SERPINB12: variants seen among roughly 807,000 people sequenced by gnomAD.
SERPINB12 encodes serpin family B member 12.
Under a neutral mutation model 41.1 loss-of-function variants are expected in SERPINB12, and 57 were observed. That is an observed-to-expected ratio of 1.39 (90% CI 1.12 to 1.73). The LOEUF (loss-of-function observed/expected upper bound fraction) is 1.73, where lower values mean the gene tolerates loss of function less well. SERPINB12 is among the 40% of genes most tolerant of loss of function. The pLI is 0.00. For synonymous variants in SERPINB12, 180 were observed against 181.3 expected (o/e 0.99, Z 0.06); for missense variants, 536 against 501.9 (o/e 1.07, Z -0.65).
Position 63,558,478 on chromosome 18 carries a change from G to A in SERPINB12, c.295G>A (p.Asp99Asn), listed in dbSNP as rs760107446. The A allele has an allele frequency of 1.9e-6, 3 of 1,610,316 alleles. No individual in the cohort carries two copies. In the Admixed American group the frequency reaches 5.1e-5, roughly 27 times the overall value. ...GCAGAAAAAAACGACAGAGCCTCTG[G>A]ATCAGCAGGTGAACCGCCACCGTAG... is the stretch of plus-strand genomic sequence containing the variant. Reference protein sequence around the residue: ...EGQKKTTEPLDQQAGSLNNES... With the variant: ...EGQKKTTEPLNQQAGSLNNES... Residue 99 changes from aspartate to asparagine, a missense_variant, in exon 3 of 8, where the codon GAT (aspartate) becomes AAT (asparagine). Transcript: ENST00000382768.
chr18:63,557,408 A>G (rs963152952), intron 2 of SERPINB12, among the ~76,000 whole-genome samples: 12 of 152,208 alleles, frequency 7.9e-5, no homozygotes, highest in African/African-American at 2.7e-4. Context: ...GAAGGTAATA[A>G]GAACAAATCC....
intron 1 of SERPINB12, among the ~76,000 whole-genome samples, chr18:63,547,140 A>C (rs1232284777): frequency 6.6e-6 from 1 of 152,234 alleles, no homozygotes; most frequent in Non-Finnish European, 1.5e-5. Flanking sequence ...GGCAGTCATC[A>C]CTGGGAGATA....
At chr18:63,565,362 C>A in intron 6 of SERPINB12, 83 bp from the exon 7 acceptor site, 1 of 1,300,524 alleles carries the variant, frequency 7.7e-7, no homozygotes, top group South Asian at 1.4e-5. Context: ...CTTTAGGAAC[C>A]CCTGTCCTCC....
At chr18:63,554,762 C>A (rs1318507570) in intron 1 of SERPINB12, among the ~76,000 whole-genome samples, 1 of 152,112 alleles carries the variant, frequency 6.6e-6, no homozygotes, top group Admixed American at 6.5e-5. Flanking sequence ...GACATTGAAC[C>A]TGGTGATATG....
the SERPINB12 span, among the ~76,000 whole-genome samples, chr18:63,532,485 G>A: frequency 6.6e-6 from 1 of 152,208 alleles, no homozygotes; most frequent in Non-Finnish European, 1.5e-5. Flanking sequence ...GGTACAGCAA[G>A]AGAATGCTGA....
chr18:63,533,718 C>G, the SERPINB12 span, among the ~76,000 whole-genome samples: 1 of 152,164 alleles, frequency 6.6e-6, no homozygotes, highest in Admixed American at 6.6e-5. Flanking sequence ...TTTCCCACCT[C>G]CCTTTATGTG....
At chr18:63,537,603 T>G (rs906505544), upstream of SERPINB12, among the ~76,000 whole-genome samples, 4 of 152,282 alleles carry the variant, frequency 2.6e-5, no homozygotes, top group African/African-American at 9.6e-5. Flanking sequence ...CCCAATAAAT[T>G]GTTATTGGAA....
chr18:63,524,859 C>G, the SERPINB12 span, among the ~76,000 whole-genome samples: 2 of 150,510 alleles, frequency 1.3e-5, no homozygotes, highest in African/African-American at 2.4e-5. Flanking sequence ...AAGTGAGTCT[C>G]TTGTCTCAGC....
At chr18:63,551,347 T>C (rs1477507606) in intron 1 of SERPINB12, among the ~76,000 whole-genome samples, 1 of 152,032 alleles carries the variant, frequency 6.6e-6, no homozygotes, top group African/African-American at 2.4e-5. Context: ...TTTTTTGAGA[T>C]GGAATTTCGC....
chr18:63,554,210 G>A (rs1013801065), intron 1 of SERPINB12, among the ~76,000 whole-genome samples: 3 of 152,240 alleles, frequency 2.0e-5, no homozygotes, highest in South Asian at 4.2e-4. Context: ...ACTTAGAAAC[G>A]ATAGATACAG....
intron 1 of SERPINB12, among the ~76,000 whole-genome samples, 174 bp from the exon 2 acceptor site, chr18:63,555,968 A>G (rs762822635): frequency 4.6e-5 from 7 of 152,208 alleles, no homozygotes; most frequent in Non-Finnish European, 1.0e-4. Context: ...TCTGTCTATC[A>G]ATATCAACAC....
chr18:63,555,324 C>A (rs1910638754), intron 1 of SERPINB12, among the ~76,000 whole-genome samples: 5 of 152,084 alleles, frequency 3.3e-5, no homozygotes, highest in Admixed American at 3.3e-4. Context: ...AGTCACAGAG[C>A]AATGAGGGGA....
At chr18:63,547,689 G>A (rs1289572549) in intron 1 of SERPINB12, among the ~76,000 whole-genome samples, 1 of 151,902 alleles carries the variant, frequency 6.6e-6, no homozygotes, top group Non-Finnish European at 1.5e-5. Flanking sequence ...TTTACTATAA[G>A]GGAAAATTGT....
At position 63,548,129 on chromosome 18, in the gene SERPINB12, T is replaced by G. The variant is rs113544958; in HGVS notation, c.-19+5637T>G. ...AATGTTGTATGGTTATTGTATACAG[T>G]GGTGACTAATTAACTCTTTAGAGGG... On this transcript the variant is annotated intron_variant, in intron 1 of 7. Transcript: ENST00000382768. 8.1e-3 allele frequency among the ~76,000 whole-genome samples: 1,237 copies of G among 152,218 alleles called. 19 individuals carry two copies. The highest frequency in any genetic ancestry group is 0.028 in the African/African-American group (1,177 of 41,550).
the SERPINB12 span, among the ~76,000 whole-genome samples, chr18:63,524,790 C>A: frequency 0.062 from 9,147 of 148,536 alleles, 589 homozygotes; most frequent in East Asian, 0.29. Flanking sequence ...TGCTCTGTCA[C>A]CCAGGCTGGA....
the SERPINB12 span, among the ~76,000 whole-genome samples, chr18:63,521,037 A>G: frequency 6.6e-6 from 1 of 152,224 alleles, no homozygotes; most frequent in Non-Finnish European, 1.5e-5. Flanking sequence ...ACAAGAATCA[A>G]TACCAAGGGT....
chr18:63,540,783 T>G (rs576180288), upstream of SERPINB12, among the ~76,000 whole-genome samples: 426 of 152,308 alleles, frequency 2.8e-3, 3 homozygotes, highest in African/African-American at 9.9e-3. Context: ...CACTTAAATG[T>G]TTAATTAATA....
intron 3 of SERPINB12, 136 bp downstream of exon 3, chr18:63,558,622 T>A: frequency 1.0e-6 from 1 of 979,482 alleles, no homozygotes; most frequent in South Asian, 1.8e-5. Context: ...CCTCATGTGA[T>A]CTGTGATTCC....
intron 4 of SERPINB12, among the ~76,000 whole-genome samples, chr18:63,560,593 T>A (rs540344600): frequency 5.3e-5 from 8 of 152,206 alleles, no homozygotes; most frequent in Non-Finnish European, 1.0e-4. Context: ...CATATAAAAT[T>A]TACCATTTAT....
Sources: allele counts gnomAD v4.1 joint callset (sites outside exome capture counted in the v4.1 genomes callset), GRCh38; gene constraint gnomAD v4.1.1; transcripts MANE v1.5; gene names NCBI Gene and HGNC (gene_info 2026-07-23, HGNC 2026-07-21).